ANGPT1: variants seen among roughly 807,000 people sequenced by gnomAD.
ANGPT1 encodes the protein angiopoietin-1.
ANGPT1 carries 17 observed loss-of-function variants against 62.2 expected under a neutral mutation model. That is an observed-to-expected ratio of 0.27 (90% CI 0.19 to 0.41). The LOEUF (loss-of-function observed/expected upper bound fraction) is 0.41, where lower values mean the gene tolerates loss of function less well. ANGPT1 is among the 10% of genes least tolerant of loss of function. The pLI, the probability that ANGPT1 is intolerant of heterozygous loss-of-function variation, is 1.00. For synonymous variants in ANGPT1, 199 were observed against 198.9 expected (o/e 1.00, Z 0.00); for missense variants, 478 against 594.9 (o/e 0.80, Z 2.04).
chr8:107,473,253 T>C (rs547704776), intron 1 of ANGPT1, among the ~76,000 whole-genome samples: 2 of 152,230 alleles, frequency 1.3e-5, no homozygotes, highest in Admixed American at 6.6e-5. Context: ...CATTTTATCA[T>C]AAACTGGCAG....
chr8:107,254,116 C>T lies in ANGPT1; in HGVS notation c.1337-2101G>A, dbSNP rs140340877. On this transcript the variant is annotated intron_variant, in intron 8 of 8. Transcript: ENST00000517746. ...TAACGAAGTTTGCTTCCCAAATGAC[C>T]GGCGGGTCACTGCAGGCTTGTTAAC... 3.6e-3 allele frequency among the ~76,000 whole-genome samples: 549 copies of T among 152,148 alleles called. 5 individuals carry two copies. The highest frequency in any genetic ancestry group is 0.011 in the African/African-American group (444 of 41,534).
chr8:107,477,964 G>A (rs76146463), intron 1 of ANGPT1, among the ~76,000 whole-genome samples: 52 of 151,342 alleles, frequency 3.4e-4, no homozygotes, highest in African/African-American at 8.9e-4. Context: ...CATGACATGA[G>A]TAAAGTAAAT....
At chr8:107,432,143 TAA>T (rs529344726) in intron 1 of ANGPT1, among the ~76,000 whole-genome samples, 6 of 143,222 alleles carry the variant, frequency 4.2e-5, no homozygotes, top group East Asian at 2.0e-4. Flanking sequence ...CATGCAATTA[TAA>T]AAAAAAAAAA....
rs1376384353 is a variant in ANGPT1 at position 107,347,046 on chromosome 8, G to T, written c.349C>A (p.Gln117Lys). 8.1e-6 allele frequency: 13 copies of T among 1,613,726 alleles called. No individual in the cohort carries two copies. The highest frequency in any genetic ancestry group is 1.0e-5 in the Non-Finnish European group (12 of 1,179,858). The part of the protein sequence containing the change: ...NMKSEMAQIQ[Q>K]NAVQNHTATM... ...GCCGTGTGGTTCTGAACTGCATTCT[G>T]CTGTATCTGGGCCATCTCCGACTTC... Residue 117 changes from glutamine to lysine, a missense_variant, in exon 2 of 9, where the codon CAG becomes AAG. Gln to Lys is a moderately conservative substitution (Grantham distance 53, BLOSUM62 1). Around this residue, in one of 4 missense-constraint regions of ANGPT1, gnomAD observed 343 missense variants for 355.4 expected, o/e 0.97. Transcript: ENST00000517746.
chr8:107,431,349 A>G (rs986939080), intron 1 of ANGPT1, among the ~76,000 whole-genome samples: 2 of 149,706 alleles, frequency 1.3e-5, no homozygotes, highest in African/African-American at 5.1e-5. Context: ...ACACACACCT[A>G]GGTTGTCACA....
chr8:107,416,872 AC>A (rs1261565394), intron 1 of ANGPT1, among the ~76,000 whole-genome samples: 3 of 144,244 alleles, frequency 2.1e-5, no homozygotes, highest in African/African-American at 7.8e-5. Flanking sequence ...GCTCACTGCC[AC>A]CTCTGCCTCC....
chr8:107,337,046 T>C (rs1815584883), intron 2 of ANGPT1, among the ~76,000 whole-genome samples: 2 of 152,286 alleles, frequency 1.3e-5, no homozygotes, highest in South Asian at 4.1e-4. Context: ...AGAACGCCTA[T>C]CACACTAGGT....
At chr8:107,442,649 T>A (rs1019593069) in intron 1 of ANGPT1, among the ~76,000 whole-genome samples, 1 of 152,204 alleles carries the variant, frequency 6.6e-6, no homozygotes, top group Non-Finnish European at 1.5e-5. Flanking sequence ...TAACTCCGTA[T>A]CTTCTACCTT....
chr8:107,438,727 G>C (rs970859836), intron 1 of ANGPT1, among the ~76,000 whole-genome samples: 112 of 152,074 alleles, frequency 7.4e-4, no homozygotes, highest in Non-Finnish European at 2.5e-4. Context: ...AACCACTCCA[G>C]ATGCAAATTC....
intron 1 of ANGPT1, among the ~76,000 whole-genome samples, chr8:107,363,104 T>C (rs1002380658): frequency 7.2e-5 from 10 of 139,822 alleles, no homozygotes; most frequent in Admixed American, 1.5e-4. Flanking sequence ...TTTTTTTTTT[T>C]CTCCCACTTG....
chr8:107,320,730 C>G (rs1378455111), intron 4 of ANGPT1, among the ~76,000 whole-genome samples: 36 of 151,994 alleles, frequency 2.4e-4, no homozygotes, highest in Admixed American at 2.4e-3. Flanking sequence ...TTTAGACTAT[C>G]TAAAGGAGAT....
At chr8:107,301,838 G>A (rs967973281) in intron 5 of ANGPT1, among the ~76,000 whole-genome samples, 7 of 152,004 alleles carry the variant, frequency 4.6e-5, no homozygotes, top group African/African-American at 1.4e-4. Flanking sequence ...TATTCATTAC[G>A]GAAATCAAGA....
At chr8:107,261,703 TAA>T (rs780893893) in intron 8 of ANGPT1, among the ~76,000 whole-genome samples, 11 of 136,428 alleles carry the variant, frequency 8.1e-5, no homozygotes, top group Non-Finnish European at 7.9e-5. Flanking sequence ...AGACTCCATC[TAA>T]AAAAAAAAAA....
chr8:107,438,878 A>G (rs1014841850), intron 1 of ANGPT1, among the ~76,000 whole-genome samples: 1 of 152,186 alleles, frequency 6.6e-6, no homozygotes, highest in Non-Finnish European at 1.5e-5. Flanking sequence ...AATGTATGCT[A>G]CATAAAACCA....
chr8:107,255,138 G>C (rs146784216), intron 8 of ANGPT1, among the ~76,000 whole-genome samples: 1 of 151,974 alleles, frequency 6.6e-6, no homozygotes, highest in African/African-American at 2.4e-5. Context: ...ACATTGAGAT[G>C]ATAGCCGTTA....
At chr8:107,367,926 A>G (rs1052120644) in intron 1 of ANGPT1, among the ~76,000 whole-genome samples, 1 of 152,170 alleles carries the variant, frequency 6.6e-6, no homozygotes, top group South Asian at 2.1e-4. Context: ...CCTTAAAATC[A>G]TCCATGAGGG....
chr8:107,450,838 C>T (rs1811756862), intron 1 of ANGPT1, among the ~76,000 whole-genome samples: 1 of 151,428 alleles, frequency 6.6e-6, no homozygotes, highest in African/African-American at 2.4e-5. Context: ...TTATTGAGTA[C>T]TTACTCTGTG....
At chr8:107,414,598 G>A (rs1007682049) in intron 1 of ANGPT1, among the ~76,000 whole-genome samples, 1 of 152,128 alleles carries the variant, frequency 6.6e-6, no homozygotes, top group Non-Finnish European at 1.5e-5. Flanking sequence ...AAAAATGAGG[G>A]TGATAATTCA....
intron 1 of ANGPT1, among the ~76,000 whole-genome samples, chr8:107,428,782 T>A (rs1048679542): frequency 3.3e-5 from 5 of 152,282 alleles, no homozygotes; most frequent in African/African-American, 1.2e-4. Context: ...CCATTTGTTA[T>A]TTTGACCTCT....
Sources: allele counts gnomAD v4.1 joint callset (sites outside exome capture counted in the v4.1 genomes callset), GRCh38; gene constraint gnomAD v4.1.1; regional missense constraint gnomAD v4.1.1; transcripts MANE v1.5; gene names NCBI Gene and HGNC (gene_info 2026-07-23, HGNC 2026-07-21).